Variants in RYR2 observed in about 807,000 individuals in gnomAD.
RYR2 encodes ryanodine receptor 2.
A neutral mutation model predicts 601.1 loss-of-function variants in RYR2; 227 were observed. The observed-to-expected ratio is 0.38, with a 90% CI of 0.34 to 0.42. The LOEUF (loss-of-function observed/expected upper bound fraction) is 0.42. Ranked by LOEUF, RYR2 falls within the 10% of genes least tolerant of loss-of-function variation. RYR2 has a pLI of 1.00. For synonymous variants in RYR2, 2,223 were observed against 2,175.1 expected, an observed-to-expected ratio of 1.02 and a Z score of -0.61; for missense variants, 4,646 against 6,156.5, an observed-to-expected ratio of 0.75 and a Z score of 8.21.
At chr1:237,818,949 T>G in intron 100 of RYR2, 87 bp from the exon 101 acceptor site, 1 of 1,184,596 alleles carries the variant, frequency 8.4e-7, no homozygotes, top group Non-Finnish European at 1.2e-6. Context: ...AGAGTGAGGA[T>G]TAGGAACTAC....
intron 1 of RYR2, among the ~76,000 whole-genome samples, chr1:237,253,163 CAAAA>C (rs33931680): frequency 1.8e-5 from 2 of 109,626 alleles, no homozygotes; most frequent in Admixed American, 9.4e-5. Flanking sequence ...GACTCCGTCT[CAAAA>C]AAAAAAAAAA....
intron 1 of RYR2, among the ~76,000 whole-genome samples, chr1:237,189,160 C>G (rs762535785): frequency 6.6e-6 from 1 of 152,172 alleles, no homozygotes; most frequent in Non-Finnish European, 1.5e-5. Flanking sequence ...CCTCTTGTGA[C>G]TGGCTTGTTT....
intron 2 of RYR2, among the ~76,000 whole-genome samples, chr1:237,307,136 G>A (rs1468838884): frequency 6.6e-6 from 1 of 150,528 alleles, no homozygotes; most frequent in Non-Finnish European, 1.5e-5. Context: ...AAAGCTCTAG[G>A]ATGATAATGT....
At chr1:237,611,180 C>T (rs1012261781) in intron 36 of RYR2, among the ~76,000 whole-genome samples, 192 bp downstream of exon 36, 46 of 152,146 alleles carry the variant, frequency 3.0e-4, no homozygotes, top group African/African-American at 9.7e-4. Flanking sequence ...CTCAACCATT[C>T]TGTTACTGAA....
At chr1:237,602,874 G>A (rs1373897307) in intron 35 of RYR2, among the ~76,000 whole-genome samples, 1 of 152,092 alleles carries the variant, frequency 6.6e-6, no homozygotes, top group Non-Finnish European at 1.5e-5. Context: ...TGTGGAGGTG[G>A]GCAAGAATGA....
intron 2 of RYR2, among the ~76,000 whole-genome samples, chr1:237,327,625 G>A (rs987055931): frequency 8.5e-5 from 13 of 152,292 alleles, no homozygotes; most frequent in African/African-American, 2.9e-4. Flanking sequence ...CTATTTGTGC[G>A]AAGTAGAATC....
chr1:237,559,074 A>G (rs528384676), intron 27 of RYR2, among the ~76,000 whole-genome samples: 1 of 150,736 alleles, frequency 6.6e-6, no homozygotes, highest in African/African-American at 2.4e-5. Context: ...GGCTCACTGC[A>G]ACCTTCACCT....
chr1:237,522,118 C>T (rs187492526), intron 24 of RYR2, among the ~76,000 whole-genome samples: 66 of 152,154 alleles, frequency 4.3e-4, no homozygotes, highest in African/African-American at 1.5e-3. Context: ...TATCCCTCCC[C>T]GCTCCCCCTA....
chr1:237,665,362 G>A (rs1164571162), intron 56 of RYR2, among the ~76,000 whole-genome samples: 1 of 142,590 alleles, frequency 7.0e-6, no homozygotes, highest in Non-Finnish European at 1.5e-5. Context: ...TCGTGCCACT[G>A]CACTCCAGCC....
chr1:237,496,120 T>C (rs1664042768), intron 19 of RYR2, among the ~76,000 whole-genome samples: 1 of 152,192 alleles, frequency 6.6e-6, no homozygotes, highest in Non-Finnish European at 1.5e-5. Context: ...AATAGTGAGA[T>C]GTGGCTGGGC....
At position 237,614,021 on chromosome 1, in the gene RYR2, C is replaced by T. The variant is rs1273931805; in HGVS notation, c.4911-18C>T. 3 of 1,596,284 alleles carry T rather than the reference C, an allele frequency of 1.9e-6. No individual in the cohort carries two copies. In the African/African-American group the frequency reaches 4.0e-5, roughly 21 times the overall value. ...TCATTCATTTCTAATCTTACTACCA[C>T]TCTCCTCCCTTCTACAGATCTGTTG... On this transcript the variant is annotated intron_variant, in intron 36 of 104. Coordinates refer to ENST00000366574, the MANE Select transcript of RYR2 (RefSeq NM_001035.3). The surrounding 1 kb of genome is among the most constrained non-coding windows in gnomAD (Gnocchi z 4.3).
chr1:237,320,301 A>G (rs1355353966), intron 2 of RYR2, among the ~76,000 whole-genome samples: 1 of 152,278 alleles, frequency 6.6e-6, no homozygotes, highest in East Asian at 1.9e-4. Context: ...TGATCCTTCA[A>G]CATAAAAAAG....
chr1:237,437,970 A>T (rs1707564529), intron 12 of RYR2, among the ~76,000 whole-genome samples: 1 of 152,122 alleles, frequency 6.6e-6, no homozygotes, highest in African/African-American at 2.4e-5. Flanking sequence ...CTTTTGAAGG[A>T]GGTTTCCATT....
chr1:237,114,154 A>G (rs1669809536), intron 1 of RYR2, among the ~76,000 whole-genome samples: 1 of 152,194 alleles, frequency 6.6e-6, no homozygotes, highest in South Asian at 2.1e-4. Flanking sequence ...TTTTCTGGTT[A>G]GTCATTTTCA....
At chr1:237,119,610 C>G (rs1670550187) in intron 1 of RYR2, among the ~76,000 whole-genome samples, 1 of 152,172 alleles carries the variant, frequency 6.6e-6, no homozygotes. Flanking sequence ...TTTGGAGGAT[C>G]ACATCGGATG....
At chr1:237,530,713 C>T (rs1318657709) in intron 25 of RYR2, among the ~76,000 whole-genome samples, 1 of 152,088 alleles carries the variant, frequency 6.6e-6, no homozygotes, top group Non-Finnish European at 1.5e-5. Flanking sequence ...AGTTCAAGAC[C>T]AGCCTGGCCA....
At chr1:237,147,034 T>C (rs1674075694) in intron 1 of RYR2, among the ~76,000 whole-genome samples, 1 of 152,152 alleles carries the variant, frequency 6.6e-6, no homozygotes, top group Admixed American at 6.5e-5. Context: ...GATTAATGCC[T>C]GGAAAAAACT....
Position 237,660,840 on chromosome 1 carries a change from G to A in RYR2, c.8329G>A (p.Glu2777Lys). ...AGAAATTTATCGCTGGCCAATCAAA[G>A]AATCTTTAAAAACTATGCTGGCTTG... ...EKEIYRWPIK[E>K]SLKTMLAWGW... is the part of the protein sequence containing the mutation. Residue 2777 changes from glutamate (E) to lysine (K), a missense_variant, in exon 56 of 105, where the codon GAA (glutamate) becomes AAA (lysine). Glu to Lys is a moderately conservative substitution (Grantham distance 56). Transcript: ENST00000366574. 6.5e-7 allele frequency: 1 copy of A among 1,546,238 alleles called. No individual in the cohort carries two copies. Among genetic ancestry groups the A allele is most frequent in the East Asian group, 2.5e-5 (1 of 40,772 alleles).
chr1:237,660,204 G>T (rs771970717), intron 55 of RYR2, 130 bp downstream of exon 55: 4 of 447,994 alleles, frequency 8.9e-6, no homozygotes, highest in African/African-American at 2.3e-5. Flanking sequence ...CAAAGGTCCC[G>T]TTTAAAAAAA....
Sources: allele counts gnomAD v4.1 joint callset (sites outside exome capture counted in the v4.1 genomes callset), GRCh38; gene constraint gnomAD v4.1.1; non-coding constraint Gnocchi (gnomAD v3.1); transcripts MANE v1.5; gene names NCBI Gene and HGNC (gene_info 2026-07-23, HGNC 2026-07-21).